Variants in PKNOX2 observed in about 807,000 individuals in gnomAD.
PKNOX2 encodes homeobox protein PKNOX2.
Under a neutral mutation model 53.1 loss-of-function variants are expected in PKNOX2, and 14 were observed. That is an observed-to-expected ratio of 0.26 (90% CI 0.17 to 0.41). The LOEUF is 0.41. Ranked by LOEUF, PKNOX2 falls within the 10% of genes least tolerant of loss-of-function variation. The pLI is 1.00. For synonymous variants in PKNOX2, 257 were observed against 242.8 expected (o/e 1.06, Z -0.54); for missense variants, 496 against 602.8 (o/e 0.82, Z 1.85).
intron 1 of PKNOX2, among the ~76,000 whole-genome samples, chr11:125,176,073 G>A (rs538164162): frequency 3.0e-4 from 46 of 152,302 alleles, no homozygotes; most frequent in African/African-American, 9.9e-4. Flanking sequence ...CTTCCTTGTG[G>A]CTGGGGCAGG....
At chr11:125,377,526 G>A (rs149633400) in intron 5 of PKNOX2, among the ~76,000 whole-genome samples, 18 of 152,280 alleles carry the variant, frequency 1.2e-4, no homozygotes, top group African/African-American at 4.3e-4. Flanking sequence ...GCAAAGATGG[G>A]CACAGGAAGG....
intron 3 of PKNOX2, among the ~76,000 whole-genome samples, chr11:125,336,430 T>C (rs899022231): frequency 1.3e-5 from 2 of 151,622 alleles, no homozygotes; most frequent in Non-Finnish European, 2.9e-5. Flanking sequence ...ATTACTTTGA[T>C]AAGTTTTTAT....
At chr11:125,251,044 C>T (rs891718470) in intron 2 of PKNOX2, among the ~76,000 whole-genome samples, 16 of 152,190 alleles carry the variant, frequency 1.1e-4, no homozygotes, top group Admixed American at 5.9e-4. Context: ...GGGCTGCGGG[C>T]GCCCCTCCAC....
intron 2 of PKNOX2, among the ~76,000 whole-genome samples, chr11:125,300,325 C>A (rs1264380092): frequency 6.6e-6 from 1 of 152,228 alleles, no homozygotes; most frequent in East Asian, 1.9e-4. Context: ...TTTTTGAATA[C>A]TGTGCCTGGC....
intron 3 of PKNOX2, among the ~76,000 whole-genome samples, chr11:125,341,666 C>T (rs908757763): frequency 1.3e-5 from 2 of 152,196 alleles, no homozygotes; most frequent in Non-Finnish European, 2.9e-5. Flanking sequence ...AGAAAGGCTT[C>T]ATGGAACAGT....
intron 2 of PKNOX2, among the ~76,000 whole-genome samples, chr11:125,275,774 T>C (rs1240767861): frequency 1.3e-5 from 2 of 152,182 alleles, no homozygotes; most frequent in Admixed American, 1.3e-4. Flanking sequence ...CTGTTTTGAA[T>C]ACGCCAAGCT....
chr11:125,411,989 T>C, intron 10 of PKNOX2, 124 bp downstream of exon 10: 2 of 1,458,432 alleles, frequency 1.4e-6, no homozygotes, highest in South Asian at 2.6e-5. Flanking sequence ...CGGGGAGAGC[T>C]CTCTGATAGG....
At chr11:125,194,220 G>C (rs1957046978) in intron 1 of PKNOX2, among the ~76,000 whole-genome samples, 1 of 152,290 alleles carries the variant, frequency 6.6e-6, no homozygotes, top group South Asian at 2.1e-4. Flanking sequence ...TTTCCAGTAG[G>C]GCCCTCTGGG....
At chr11:125,406,327 G>A (rs540754685) in intron 7 of PKNOX2, among the ~76,000 whole-genome samples, 7 of 152,290 alleles carry the variant, frequency 4.6e-5, no homozygotes, top group South Asian at 4.1e-4. Context: ...AGTCAGAGAC[G>A]ATGCTTAGGA....
intron 4 of PKNOX2, among the ~76,000 whole-genome samples, chr11:125,360,195 G>A (rs973293395): frequency 6.6e-6 from 1 of 152,044 alleles, no homozygotes; most frequent in Admixed American, 6.5e-5. Context: ...GTGCTGAGAA[G>A]GTGAAGGCTT....
intron 2 of PKNOX2, among the ~76,000 whole-genome samples, chr11:125,246,158 A>G (rs944908197): frequency 2.0e-5 from 3 of 152,188 alleles, no homozygotes; most frequent in Admixed American, 1.3e-4. Context: ...TATAGTAAAC[A>G]GGAATTTATT....
chr11:125,430,090 G>A lies in PKNOX2; in HGVS notation c.1141G>A (p.Ala381Thr), dbSNP rs368519080. 48 of 1,614,142 alleles carry A rather than the reference G, an allele frequency of 3.0e-5. No homozygotes were observed. The highest frequency in any genetic ancestry group is 1.7e-4 in the Middle Eastern group (1 of 6,058). ...PTQRFWPNSI[A>T]AGVLQQQGGA... ...CCAAAGATTCTGGCCCAACTCCATC[G>A]CTGCGGGGGTGCTGCAGCAGCAGGG... The change falls in exon 12 of 13, where the codon GCT becomes ACT. Residue 381 changes from alanine (A) to threonine (T), a missense_variant. By Grantham distance (58) the Ala-to-Thr change is moderately conservative. Transcript: ENST00000298282.
chr11:125,182,911 C>G (rs1956233474), intron 1 of PKNOX2, among the ~76,000 whole-genome samples: 1 of 152,204 alleles, frequency 6.6e-6, no homozygotes, highest in Non-Finnish European at 1.5e-5. Flanking sequence ...GTCTTTTTCC[C>G]CTTTCCCTGG....
At chr11:125,416,863 A>G (rs1171929260) in intron 10 of PKNOX2, among the ~76,000 whole-genome samples, 3 of 151,970 alleles carry the variant, frequency 2.0e-5, no homozygotes, top group Non-Finnish European at 2.9e-5. Flanking sequence ...CCTTTGTCCT[A>G]TGTCTGGGGC....
intron 2 of PKNOX2, among the ~76,000 whole-genome samples, chr11:125,242,564 T>C (rs1366566271): frequency 6.7e-6 from 1 of 149,158 alleles, no homozygotes; most frequent in Admixed American, 6.7e-5. Flanking sequence ...GCCCAGCTGG[T>C]GGGGGGACAT....
At chr11:125,260,728 AC>A (rs1944781734) in intron 2 of PKNOX2, among the ~76,000 whole-genome samples, 3 of 151,708 alleles carry the variant, frequency 2.0e-5, no homozygotes. Context: ...ATCTTCTGCC[AC>A]CCCCACCTCT....
intron 4 of PKNOX2, 89 bp downstream of exon 4, chr11:125,351,481 G>T (rs897673344): frequency 1.5e-5 from 13 of 848,186 alleles, no homozygotes; most frequent in African/African-American, 1.5e-4. Flanking sequence ...CATTCCAGGG[G>T]CCGACGGGCA....
chr11:125,339,865 A>C (rs2136147154), intron 3 of PKNOX2, among the ~76,000 whole-genome samples: 1 of 152,218 alleles, frequency 6.6e-6, no homozygotes, highest in South Asian at 2.1e-4. Flanking sequence ...ATACATTTCC[A>C]TCATTTTGTG....
intron 2 of PKNOX2, among the ~76,000 whole-genome samples, chr11:125,271,543 T>C (rs1339636868): frequency 2.0e-5 from 3 of 152,242 alleles, no homozygotes; most frequent in Non-Finnish European, 4.4e-5. Flanking sequence ...GTTCATTCAG[T>C]ATTTGCCATG....
Sources: allele counts gnomAD v4.1 joint callset (sites outside exome capture counted in the v4.1 genomes callset), GRCh38; gene constraint gnomAD v4.1.1; transcripts MANE v1.5; gene names NCBI Gene and HGNC (gene_info 2026-07-23, HGNC 2026-07-21).